Variants in ZNF507 observed in about 807,000 individuals in gnomAD.
The protein encoded by ZNF507 is zinc finger protein 507.
In ZNF507, 29 loss-of-function variants were observed where a neutral mutation model predicts 80.0. The ratio of observed to expected loss-of-function variants is 0.36; its 90% CI spans 0.27 to 0.49. The LOEUF is 0.49. Among genes scored for constraint, ZNF507 ranks in the 20% least tolerant of loss-of-function variants. The pLI, the probability that ZNF507 is intolerant of heterozygous loss-of-function variation, is 0.98. For missense variants in ZNF507, 1,081 were observed against 1,152.2 expected, an observed-to-expected ratio of 0.94 and a Z score of 0.90; for synonymous variants, 462 against 422.5, an observed-to-expected ratio of 1.09 and a Z score of -1.15.
chr19:32,346,107 C>T (rs886109604), intron 1 of ZNF507, among the ~76,000 whole-genome samples: 1 of 152,220 alleles, frequency 6.6e-6, no homozygotes, highest in Non-Finnish European at 1.5e-5. Flanking sequence ...TTAGGCCAGC[C>T]GGGATGGACC....
chr19:32,366,398 A>G (rs568537926), intron 5 of ZNF507, among the ~76,000 whole-genome samples: 2 of 152,118 alleles, frequency 1.3e-5, no homozygotes, highest in South Asian at 2.1e-4. Context: ...GGTATCCACT[A>G]TCTTGACTTC....
chr19:32,353,422 A>G lies in ZNF507; in HGVS notation c.592A>G (p.Ser198Gly). ...SKAQQCVSPS[S>G]SLCRKTTERN... is the part of the protein sequence containing the mutation. ...AGCCCAACAGTGCGTAAGCCCCTCC[A>G]GCTCTTTGTGTCGGAAAACCACAGA... is the stretch of plus-strand genomic sequence containing the variant. Residue 198 changes from serine (S) to glycine (G), a missense_variant, in exon 3 of 7, where the codon AGC (serine) becomes GGC (glycine). Physicochemically the swap from Ser to Gly is moderately conservative, Grantham distance 56. This residue lies in a region of ZNF507 where 275 missense variants were observed against 303.9 expected (regional missense o/e 0.90). Coordinates refer to ENST00000355898, the MANE Select transcript of ZNF507 (RefSeq NM_001136156.2). The G allele has an allele frequency of 6.2e-7, 1 of 1,614,258 alleles. No individual in the cohort carries two copies. The highest frequency in any genetic ancestry group is 8.5e-7 in the Non-Finnish European group (1 of 1,180,044).
intron 4 of ZNF507, chr19:32,358,531 A>G (rs960966161): frequency 1.3e-5 from 2 of 152,238 alleles, no homozygotes; most frequent in African/African-American, 2.4e-5. Flanking sequence ...CAGGAATCCA[A>G]CTCAGTGAAG....
chr19:32,374,190 T>G (rs117731522), intron 5 of ZNF507, among the ~76,000 whole-genome samples: 1 of 41,684 alleles, frequency 2.4e-5, no homozygotes, highest in Admixed American at 2.3e-4. Flanking sequence ...ACACACACAC[T>G]CTCTCTCTCT....
At position 32,353,069 on chromosome 19, in the gene ZNF507, T is replaced by C. The variant is rs1473367329; in HGVS notation, c.239T>C (p.Leu80Pro). 1 of 1,614,200 alleles carries C rather than the reference T, an allele frequency of 6.2e-7. No homozygotes were observed. The highest frequency in any genetic ancestry group is 2.2e-5 in the East Asian group (1 of 44,884). The change falls in exon 3 of 7, where the codon CTT becomes CCT. Residue 80 changes from leucine to proline, a missense_variant. By Grantham distance (98) the Leu-to-Pro change is moderately conservative. This residue lies in a region of ZNF507 where 275 missense variants were observed against 303.9 expected (regional missense o/e 0.90). Coordinates refer to ENST00000355898, the MANE Select transcript of ZNF507 (RefSeq NM_001136156.2). ...RPRSSAATHS[L>P]ETQELCEIPA... The stretch of plus-strand genomic sequence containing the variant: ...CGTTCAAGTGCTGCAACACACTCTC[T>C]TGAAACCCAAGAACTTTGTGAGATT...
chr19:32,371,386 A>G (rs946388266), intron 5 of ZNF507, among the ~76,000 whole-genome samples: 1 of 151,236 alleles, frequency 6.6e-6, no homozygotes, highest in Non-Finnish European at 1.5e-5. Flanking sequence ...AGGCAGGAGA[A>G]TCACCTGAAC....
chr19:32,380,648 T>G, intron 5 of ZNF507: 1 of 1,532,674 alleles, frequency 6.5e-7, no homozygotes, highest in Non-Finnish European at 8.7e-7. Flanking sequence ...TTTGTTAGGT[T>G]TGTAATTAAG....
chr19:32,383,207 C>A lies in ZNF507; in HGVS notation c.*124C>A. 7.6e-7 allele frequency: 1 copy of A among 1,309,738 alleles called. No individual in the cohort carries two copies. Among genetic ancestry groups the A allele is most frequent in the Non-Finnish European group, 1.0e-6 (1 of 961,546 alleles). The allele number at this position is 1,309,738 out of a possible 1,614,324, so 81.1% of individuals were successfully genotyped here. Reference sequence around the variant, plus strand: ...GTTGATGTGATTTTTGAGGAAATGACAGATGTGACTTTGGAACCAAACTTG... The same window carrying A: ...GTTGATGTGATTTTTGAGGAAATGAAAGATGTGACTTTGGAACCAAACTTG... On this transcript the variant is annotated 3_prime_UTR_variant, in exon 7 of 7. Coordinates refer to ENST00000355898, the MANE Select transcript of ZNF507 (RefSeq NM_001136156.2).
In ZNF507 at chr19:32,386,189, C is replaced by T. The variant is rs1253599552; in HGVS notation, c.*3106C>T. 2 of 152,542 alleles carry T rather than the reference C, an allele frequency of 1.3e-5. No individual in the cohort carries two copies. The highest frequency in any genetic ancestry group is 2.9e-5 in the Non-Finnish European group (2 of 68,024). The allele number at this position is 152,542 out of a possible 1,614,324, so 9.4% of individuals were successfully genotyped here. ...TGCAATGTTGTGACACCGACCGAAGCCTTTGTTCTGGATCTTTCTTCCTAT... is the reference window on the plus strand; with the variant it reads ...TGCAATGTTGTGACACCGACCGAAGTCTTTGTTCTGGATCTTTCTTCCTAT... On this transcript the variant is annotated 3_prime_UTR_variant, in exon 7 of 7. Transcript: ENST00000355898.
At position 32,354,145 on chromosome 19, in the gene ZNF507, G is replaced by A; in HGVS notation, c.1315G>A (p.Asp439Asn). Residue 439 changes from aspartate to asparagine, a missense_variant, in exon 3 of 7, where the codon GAT (aspartate) becomes AAT (asparagine). Transcript: ENST00000355898. ...TEAQIGREGM[D>N]DVYRADKCTV... Reference sequence around the variant, plus strand: ...AGCTCAGATTGGGCGCGAAGGAATGGATGATGTTTATCGTGCTGATAAATG... The same window carrying A: ...AGCTCAGATTGGGCGCGAAGGAATGAATGATGTTTATCGTGCTGATAAATG... The A allele has an allele frequency of 6.2e-7, 1 of 1,613,200 alleles. No homozygotes were observed. Among genetic ancestry groups the A allele is most frequent in the Non-Finnish European group, 8.5e-7 (1 of 1,180,028 alleles).
In ZNF507 at chr19:32,354,493, A is replaced by C. The variant is rs758264670; in HGVS notation, c.1663A>C (p.Thr555Pro). 6.2e-7 allele frequency: 1 copy of C among 1,614,226 alleles called. No individual in the cohort carries two copies. Among genetic ancestry groups the C allele is most frequent in the Non-Finnish European group, 8.5e-7 (1 of 1,180,042 alleles). The change falls in exon 3 of 7, where the codon ACT (threonine) becomes CCT (proline). Residue 555 changes from threonine (T) to proline (P), a missense_variant. Coordinates refer to ENST00000355898, the MANE Select transcript of ZNF507 (RefSeq NM_001136156.2). ...ACTTAAAAACTCTTCAGATGGATTAACTAGTCTTAACCAAAGCAACTCCAC... is the reference window on the plus strand; with the variant it reads ...ACTTAAAAACTCTTCAGATGGATTACCTAGTCTTAACCAAAGCAACTCCAC... ...SPLKNSSDGL[T>P]SLNQSNSTLV...
intron 5 of ZNF507, among the ~76,000 whole-genome samples, chr19:32,372,005 T>C (rs1399906439): frequency 6.6e-6 from 1 of 152,130 alleles, no homozygotes; most frequent in Admixed American, 6.5e-5. Context: ...TAATCTGCAG[T>C]GCATTTATAT....
chr19:32,381,377 A>G (rs1967620717), intron 5 of ZNF507, among the ~76,000 whole-genome samples: 1 of 152,128 alleles, frequency 6.6e-6, no homozygotes, highest in South Asian at 2.1e-4. Context: ...AGGCAGGTGG[A>G]TCACTTGAGG....
chr19:32,364,691 T>C (rs1967374298), intron 5 of ZNF507, among the ~76,000 whole-genome samples: 1 of 152,244 alleles, frequency 6.6e-6, no homozygotes, highest in South Asian at 2.1e-4. Flanking sequence ...CTGAGTAGTA[T>C]TCAATCATAT....
chr19:32,380,715 G>A, intron 5 of ZNF507: 2 of 1,173,552 alleles, frequency 1.7e-6, no homozygotes, highest in Non-Finnish European at 2.4e-6. Flanking sequence ...AAAGATGACA[G>A]TTTTACAATA....
At chr19:32,351,589 A>G (rs1006141375) in intron 2 of ZNF507, among the ~76,000 whole-genome samples, 1 of 147,648 alleles carries the variant, frequency 6.8e-6, no homozygotes, top group Non-Finnish European at 1.5e-5. Flanking sequence ...AAGGGCCCTT[A>G]TATGTTGATT....
At chr19:32,374,188 A>ACACACACACACACACACACT (rs57164942) in intron 5 of ZNF507, among the ~76,000 whole-genome samples, 1 of 145,724 alleles carries the variant, frequency 6.9e-6, no homozygotes, top group African/African-American at 2.5e-5. Flanking sequence ...ACACACACAC[A>ACACACACACACACACACACT]CTCTCTCTCT....
rs370382996 is a variant in ZNF507 at position 32,382,572 on chromosome 19, T to C, written c.2466T>C (p.Ala822=). 1.1e-5 allele frequency: 18 copies of C among 1,614,084 alleles called. No individual in the cohort carries two copies. Among genetic ancestry groups the C allele is most frequent in the Middle Eastern group, 1.6e-4 (1 of 6,084 alleles). Residue 822 remains alanine, a synonymous_variant, in exon 6 of 7, where the codon GCT becomes GCC. Transcript: ENST00000355898. The stretch of plus-strand genomic sequence containing the variant: ...ACAACTACGAACAAGTAAACAAGGC[T>C]ATTAACGACGCGATTTCACAAAGTG... ...QNYNYEQVNK[A]INDAISQSGR... is the part of the protein sequence containing the mutation.
intron 2 of ZNF507, among the ~76,000 whole-genome samples, chr19:32,350,356 G>A (rs1400272656): frequency 1.3e-5 from 2 of 152,108 alleles, no homozygotes; most frequent in East Asian, 1.9e-4. Context: ...ATCCCCAAAT[G>A]TATGCAGCCT....
Sources: allele counts gnomAD v4.1 joint callset (sites outside exome capture counted in the v4.1 genomes callset), GRCh38; gene constraint gnomAD v4.1.1; regional missense constraint gnomAD v4.1.1; transcripts MANE v1.5; gene names NCBI Gene and HGNC (gene_info 2026-07-23, HGNC 2026-07-21).